Variants in GUCY1A2 observed in about 807,000 individuals in gnomAD.
The protein encoded by GUCY1A2 is guanylate cyclase soluble subunit alpha-2.
In GUCY1A2, 27 loss-of-function variants were observed where a neutral mutation model predicts 63.5. That is an observed-to-expected ratio of 0.43 (90% CI 0.31 to 0.59). The LOEUF (loss-of-function observed/expected upper bound fraction) is 0.59, where lower values mean the gene tolerates loss of function less well. Among genes scored for constraint, GUCY1A2 ranks in the 20% least tolerant of loss-of-function variants. GUCY1A2 has a pLI of 0.11. For missense variants in GUCY1A2, 768 were observed against 913.3 expected (o/e 0.84, Z 2.05); for synonymous variants, 364 against 343.5 (o/e 1.06, Z -0.66).
At chr11:106,736,128 T>G (rs558166335) in intron 6 of GUCY1A2, among the ~76,000 whole-genome samples, 2 of 152,212 alleles carry the variant, frequency 1.3e-5, no homozygotes, top group South Asian at 4.2e-4. Context: ...CAGAAGCTTT[T>G]TAAGTTGATG....
intron 6 of GUCY1A2, among the ~76,000 whole-genome samples, chr11:106,758,339 G>A (rs535901579): frequency 1.2e-4 from 19 of 152,288 alleles, no homozygotes; most frequent in Middle Eastern, 3.4e-3. Flanking sequence ...TGCTGGTTGC[G>A]AACACAGTGG....
intron 6 of GUCY1A2, among the ~76,000 whole-genome samples, chr11:106,751,379 C>T (rs76301237): frequency 0.017 from 2,547 of 152,116 alleles, 47 homozygotes; most frequent in Middle Eastern, 0.034. Context: ...TTTCATTAAA[C>T]CCAGTTTATA....
At chr11:106,845,375 T>C (rs2135446760) in intron 4 of GUCY1A2, among the ~76,000 whole-genome samples, 1 of 151,724 alleles carries the variant, frequency 6.6e-6, no homozygotes, top group East Asian at 1.9e-4. Flanking sequence ...ATGAGTTTTA[T>C]ATTTACAATT....
intron 5 of GUCY1A2, among the ~76,000 whole-genome samples, chr11:106,807,871 G>T (rs1858712954): frequency 6.6e-6 from 1 of 152,138 alleles, no homozygotes; most frequent in African/African-American, 2.4e-5. Flanking sequence ...TCAAACATTG[G>T]ACTCCAAGTT....
chr11:106,813,134 T>C (rs1248340567), intron 4 of GUCY1A2, among the ~76,000 whole-genome samples: 1 of 152,002 alleles, frequency 6.6e-6, no homozygotes, highest in African/African-American at 2.4e-5. Flanking sequence ...GCTTAAAATA[T>C]AAACATCTAT....
chr11:106,850,425 GCTGC>G (rs1859336536), intron 4 of GUCY1A2, among the ~76,000 whole-genome samples: 1 of 151,724 alleles, frequency 6.6e-6, no homozygotes, highest in Non-Finnish European at 1.5e-5. Flanking sequence ...ACTGTAAGGT[GCTGC>G]AGAACACCAG....
chr11:106,695,210 T>C (rs1209620919), intron 7 of GUCY1A2, among the ~76,000 whole-genome samples: 1 of 152,174 alleles, frequency 6.6e-6, no homozygotes, highest in Non-Finnish European at 1.5e-5. Flanking sequence ...TGTGTATATG[T>C]CATTTTGTTC....
intron 4 of GUCY1A2, among the ~76,000 whole-genome samples, chr11:106,830,970 A>G (rs1859042631): frequency 6.6e-6 from 1 of 152,210 alleles, no homozygotes; most frequent in East Asian, 1.9e-4. Flanking sequence ...ACTATTAATT[A>G]TGAAACTATT....
At chr11:106,782,497 C>T (rs1864482906) in intron 5 of GUCY1A2, among the ~76,000 whole-genome samples, 1 of 152,170 alleles carries the variant, frequency 6.6e-6, no homozygotes, top group African/African-American at 2.4e-5. Flanking sequence ...GGCTTATTGG[C>T]TGTCACCAAG....
At position 106,986,313 on chromosome 11, in the gene GUCY1A2, G is replaced by A. The variant is rs551746221; in HGVS notation, c.304-182C>T. Among the ~76,000 whole-genome samples, 16 of 152,146 alleles carry A rather than the reference G, an allele frequency of 1.1e-4. No individual in the cohort carries two copies. In the East Asian group the frequency reaches 1.7e-3, roughly 17 times the overall value. ...CCACAGAAACTAATATGAGGCACTCGGCAATTACCCAGAACTTCCCAATTT... is the reference window on the plus strand; with the variant it reads ...CCACAGAAACTAATATGAGGCACTCAGCAATTACCCAGAACTTCCCAATTT... On this transcript the variant is annotated intron_variant, in intron 1 of 7. Coordinates refer to ENST00000526355, the MANE Select transcript of GUCY1A2 (RefSeq NM_000855.3).
At chr11:106,861,037 G>A (rs1466326063) in intron 4 of GUCY1A2, among the ~76,000 whole-genome samples, 1 of 151,846 alleles carries the variant, frequency 6.6e-6, no homozygotes, top group Non-Finnish European at 1.5e-5. Context: ...GAGGAAGGAG[G>A]CAACTTCCTT....
At chr11:106,997,152 T>A (rs868559449) in intron 1 of GUCY1A2, among the ~76,000 whole-genome samples, 6 of 152,178 alleles carry the variant, frequency 3.9e-5, no homozygotes, top group Non-Finnish European at 8.8e-5. Context: ...TCTAATAAAT[T>A]ATTTATGCCA....
intron 5 of GUCY1A2, among the ~76,000 whole-genome samples, chr11:106,795,328 C>T (rs991067594): frequency 4.6e-5 from 7 of 152,000 alleles, no homozygotes; most frequent in East Asian, 1.9e-4. Context: ...GAAATATGCC[C>T]GACTGGATAT....
chr11:106,903,610 C>T lies in GUCY1A2; in HGVS notation c.1206+35850G>A, dbSNP rs573773398. ...GATTTTGCTATCTGGTTTCAAATTGCTAGATACTATCCGAACAGAGAGTCA... is the reference window on the plus strand; with the variant it reads ...GATTTTGCTATCTGGTTTCAAATTGTTAGATACTATCCGAACAGAGAGTCA... On this transcript the variant is annotated intron_variant, in intron 4 of 7. Coordinates refer to ENST00000526355, the MANE Select transcript of GUCY1A2 (RefSeq NM_000855.3). Among the ~76,000 whole-genome samples, 3 of 152,258 alleles carry T rather than the reference C, an allele frequency of 2.0e-5. No individual in the cohort carries two copies. In the South Asian group the frequency reaches 6.2e-4, roughly 32 times the overall value.
At position 106,918,565 on chromosome 11, in the gene GUCY1A2, T is replaced by G. The variant is rs938527091; in HGVS notation, c.1206+20895A>C. ...TCCACACGTGCACACACATCACACA[T>G]AGACATTACACACACAGAGACATTA... On this transcript the variant is annotated intron_variant, in intron 4 of 7. Transcript: ENST00000526355. Among the ~76,000 whole-genome samples, 8 of 145,128 alleles carry G rather than the reference T, an allele frequency of 5.5e-5. 2 individuals carry two copies. Among genetic ancestry groups the G allele is most frequent in the Non-Finnish European group, 7.7e-5 (5 of 64,642 alleles).
intron 4 of GUCY1A2, among the ~76,000 whole-genome samples, chr11:106,860,934 A>G (rs933964402): frequency 6.6e-6 from 1 of 152,042 alleles, no homozygotes; most frequent in African/African-American, 2.4e-5. Context: ...ACAGATAAGA[A>G]AGGGAAAAGC....
At chr11:106,980,954 C>T (rs1180263955) in intron 2 of GUCY1A2, among the ~76,000 whole-genome samples, 2 of 152,114 alleles carry the variant, frequency 1.3e-5, no homozygotes, top group African/African-American at 4.8e-5. Flanking sequence ...TTCTCTCAAC[C>T]TCAATTTCCT....
intron 1 of GUCY1A2, among the ~76,000 whole-genome samples, chr11:107,006,182 A>C (rs1382930575): frequency 6.6e-6 from 1 of 152,230 alleles, no homozygotes; most frequent in Non-Finnish European, 1.5e-5. Flanking sequence ...CTTTTCCCAG[A>C]ATGCAGAGAG....
chr11:106,817,714 C>T (rs1440116326), intron 4 of GUCY1A2, among the ~76,000 whole-genome samples: 1 of 151,998 alleles, frequency 6.6e-6, no homozygotes, highest in Non-Finnish European at 1.5e-5. Flanking sequence ...CAAAAGAAGA[C>T]ATACAAATAG....
Sources: gnomAD v4.1 joint callset for allele counts (sites outside exome capture counted in the v4.1 genomes callset) on GRCh38, gnomAD v4.1.1 for gene constraint, MANE v1.5 for transcripts, NCBI Gene and HGNC (gene_info 2026-07-23, HGNC 2026-07-21) for gene names.